Variants in CIP2A observed in about 807,000 individuals in gnomAD.
CIP2A encodes cellular inhibitor of PP2A.
A neutral mutation model predicts 110.9 loss-of-function variants in CIP2A; 103 were observed. The observed-to-expected ratio is 0.93, with a 90% CI of 0.79 to 1.09. CIP2A has a LOEUF of 1.09. Ranked by LOEUF, CIP2A falls within the 50% of genes least tolerant of loss-of-function variation. CIP2A has a pLI of 0.00. For missense variants in CIP2A, 1,088 were observed against 1,038.4 expected, an observed-to-expected ratio of 1.05 and a Z score of -0.66; for synonymous variants, 381 against 361.6, an observed-to-expected ratio of 1.05 and a Z score of -0.61.
At position 108,569,443 on chromosome 3, in the gene CIP2A, G is replaced by A. The variant is rs199957351; in HGVS notation, c.1059C>T (p.Asp353=). 171 of 1,612,338 alleles carry A rather than the reference G, an allele frequency of 1.1e-4. No individual in the cohort carries two copies. The highest frequency in any genetic ancestry group is 8.2e-4 in the Middle Eastern group (5 of 6,076). The stretch of plus-strand genomic sequence containing the variant: ...CTAAAACAGAACAGTTTTCTGATCC[G>A]TCCAAAGGTTGGCTTAACCAGCGCA... ...ALLRWLSQPL[D]GSENCSVLAL... Residue 353 remains aspartate, a synonymous_variant, in exon 9 of 21, where the codon GAC becomes GAT. Coordinates refer to ENST00000295746, the MANE Select transcript of CIP2A (RefSeq NM_020890.3).
At chr3:108,564,656 T>G (rs1307968168) in intron 12 of CIP2A, among the ~76,000 whole-genome samples, 2 of 151,908 alleles carry the variant, frequency 1.3e-5, no homozygotes, top group African/African-American at 4.8e-5. Flanking sequence ...ATTATAATTC[T>G]ATAGGAAAAG....
chr3:108,566,618 G>A lies in CIP2A; in HGVS notation c.1294C>T (p.Leu432=), dbSNP rs768980254. ...AAGATTTTTGCAATATGCATTTTTA[G>A]TGTATCATCTCCACAGAGAGGTTAA... ...VLLTLCGDDT[L]KMHIAKILTT... The change falls in exon 11 of 21, where the codon CTA becomes TTA. Residue 432 remains leucine (L), a synonymous_variant. Transcript: ENST00000295746. 6.2e-7 allele frequency: 1 copy of A among 1,603,106 alleles called. No homozygotes were observed.
chr3:108,569,444 T>G lies in CIP2A; in HGVS notation c.1058A>C (p.Asp353Ala). 6.2e-7 allele frequency: 1 copy of G among 1,612,784 alleles called. No homozygotes were observed. Among genetic ancestry groups the G allele is most frequent in the Non-Finnish European group, 8.5e-7 (1 of 1,179,290 alleles). ...TAAAACAGAACAGTTTTCTGATCCG[T>G]CCAAAGGTTGGCTTAACCAGCGCAG... Reference protein sequence around the residue: ...ALLRWLSQPLDGSENCSVLAL... With the variant: ...ALLRWLSQPLAGSENCSVLAL... Residue 353 changes from aspartate (D) to alanine (A), a missense_variant, in exon 9 of 21, where the codon GAC becomes GCC. Asp to Ala is a moderately radical substitution (Grantham distance 126, BLOSUM62 -2). Coordinates refer to ENST00000295746, the MANE Select transcript of CIP2A (RefSeq NM_020890.3).
In CIP2A at chr3:108,565,435, T is replaced by C; in HGVS notation, c.1435A>G (p.Ile479Val). Reference sequence around the variant, plus strand: ...TTAATCAAATCAAGAGTTTTCAAAATTACATCAGCAGCAAGTTTGCTTTAA... The same window carrying C: ...TTAATCAAATCAAGAGTTTTCAAAACTACATCAGCAGCAAGTTTGCTTTAA... ...SELCKLAADV[I>V]LKTLDLINKL... The change falls in exon 12 of 21, where the codon ATT (isoleucine) becomes GTT (valine). Residue 479 changes from isoleucine (I) to valine (V), a missense_variant. Transcript: ENST00000295746. 6.3e-7 allele frequency: 1 copy of C among 1,590,190 alleles called. No individual in the cohort carries two copies. Among genetic ancestry groups the C allele is most frequent in the Non-Finnish European group, 8.6e-7 (1 of 1,166,184 alleles).
At chr3:108,582,845 G>C (rs1938925353) in intron 3 of CIP2A, 132 bp downstream of exon 3, 3 of 434,072 alleles carry the variant, frequency 6.9e-6, no homozygotes, top group Non-Finnish European at 1.3e-5. Flanking sequence ...CTTTTAATGA[G>C]ATGAACTGTG....
At chr3:108,581,677 A>C (rs1024572641) in intron 4 of CIP2A, among the ~76,000 whole-genome samples, 166 bp from the exon 5 acceptor site, 1 of 152,154 alleles carries the variant, frequency 6.6e-6, no homozygotes, top group African/African-American at 2.4e-5. Flanking sequence ...AGCTTTGAAT[A>C]GTATTGATCA....
chr3:108,557,103 C>CA (rs1937834230), intron 17 of CIP2A, 115 bp downstream of exon 17: 2 of 582,342 alleles, frequency 3.4e-6, no homozygotes, highest in Non-Finnish European at 6.0e-6. Context: ...TTACTTACCT[C>CA]ATGTGTTATC....
At chr3:108,555,971 A>C (rs1937789120) in intron 17 of CIP2A, among the ~76,000 whole-genome samples, 1 of 152,064 alleles carries the variant, frequency 6.6e-6, no homozygotes, top group South Asian at 2.1e-4. Context: ...TTTTTCTATC[A>C]CTGCAAACCT....
intron 14 of CIP2A, 150 bp downstream of exon 14, chr3:108,560,499 C>A: frequency 3.5e-6 from 2 of 572,544 alleles, no homozygotes; most frequent in Non-Finnish European, 5.8e-6. Context: ...ACTGATTTTT[C>A]TTATTTCCAA....
At chr3:108,559,271 A>G (rs1937916895) in intron 16 of CIP2A, among the ~76,000 whole-genome samples, 1 of 152,178 alleles carries the variant, frequency 6.6e-6, no homozygotes, top group African/African-American at 2.4e-5. Context: ...TTATTTGTAG[A>G]ACACTAAAAA....
intron 7 of CIP2A, 34 bp from the exon 8 acceptor site, chr3:108,576,380 AAATAT>A: frequency 9.1e-7 from 1 of 1,097,716 alleles, no homozygotes; most frequent in East Asian, 2.5e-5. Flanking sequence ...ATCAAATGAT[AAATAT>A]AAAATTGATA....
chr3:108,560,681 C>A lies in CIP2A; in HGVS notation c.1795G>T (p.Glu599Ter). The A allele has an allele frequency of 6.2e-7, 1 of 1,608,160 alleles. No homozygotes were observed. The highest frequency in any genetic ancestry group is 8.5e-7 in the Non-Finnish European group (1 of 1,177,598). ...KDGVPGLNIE[E>*]LIEKLQSGMV... ...CCAGACTGAAGTTTCTCTATTAATT[C>A]TTCAATATTCAATCCAGGAACACCA... Residue 599 changes from glutamate (E) to a stop codon, truncating the protein, a stop_gained, in exon 14 of 21, where the codon GAA (glutamate) becomes TAA (stop). Transcript: ENST00000295746. LOFTEE classifies it high-confidence loss of function.
intron 7 of CIP2A, among the ~76,000 whole-genome samples, chr3:108,578,132 T>G (rs762077192): frequency 1.3e-5 from 2 of 152,192 alleles, no homozygotes; most frequent in African/African-American, 4.8e-5. Context: ...CGATAGAGTA[T>G]AAAATAGATA....
At chr3:108,584,496 T>A (rs566277789) in intron 2 of CIP2A, among the ~76,000 whole-genome samples, 3 of 152,330 alleles carry the variant, frequency 2.0e-5, no homozygotes, top group South Asian at 4.1e-4. Context: ...TGGTAGCCAC[T>A]AGCCTTCATG....
Position 108,576,263 on chromosome 3 carries a change from T to C in CIP2A, c.894+8A>G. On this transcript the variant is annotated splice_region_variant and intron_variant, in intron 8 of 20. Transcript: ENST00000295746. ...AAAGTTTAAATGAAAAGTCATGTTT[T>C]TACATACCTTTGAAGAGGAATCAGG... is the stretch of plus-strand genomic sequence containing the variant. The C allele has an allele frequency of 6.6e-7, 1 of 1,514,668 alleles. No individual in the cohort carries two copies. The highest frequency in any genetic ancestry group is 1.8e-4 in the Middle Eastern group (1 of 5,668). The allele number at this position is 1,514,668 out of a possible 1,614,324, so 93.8% of individuals were successfully genotyped here.
chr3:108,550,074 T>C lies in CIP2A; in HGVS notation c.*1075A>G, dbSNP rs1458984624. The C allele has an allele frequency of 6.6e-6, 1 of 151,964 alleles. No homozygotes were observed. Among genetic ancestry groups the C allele is most frequent in the Non-Finnish European group, 1.5e-5 (1 of 67,892 alleles). The allele number at this position is 151,964 out of a possible 1,614,324, so 9.4% of individuals were successfully genotyped here. A position where few individuals can be genotyped will look rare whatever the true frequency, so the allele number is the denominator to read the frequency against. ...TAAATTCACTTAAATCAAACAGACATATGGTGAAGAAAACACCAAGTAAAA... is the reference window on the plus strand; with the variant it reads ...TAAATTCACTTAAATCAAACAGACACATGGTGAAGAAAACACCAAGTAAAA... On this transcript the variant is annotated 3_prime_UTR_variant, in exon 21 of 21. Transcript: ENST00000295746.
intron 10 of CIP2A, among the ~76,000 whole-genome samples, chr3:108,566,875 T>C (rs9866406): frequency 0.27 from 41,247 of 151,622 alleles, 5,932 homozygotes; most frequent in East Asian, 0.45. Flanking sequence ...GAGGATATCT[T>C]TCCATTGGAT....
At chr3:108,571,372 C>T (rs1051866151) in intron 8 of CIP2A, among the ~76,000 whole-genome samples, 1 of 152,120 alleles carries the variant, frequency 6.6e-6, no homozygotes, top group Non-Finnish European at 1.5e-5. Context: ...TGATGCATTG[C>T]ACCACCATGT....
At chr3:108,567,752 C>T (rs1041029112) in intron 10 of CIP2A, among the ~76,000 whole-genome samples, 7 of 151,722 alleles carry the variant, frequency 4.6e-5, no homozygotes, top group African/African-American at 1.5e-4. Context: ...ATTTCTTTAT[C>T]CACGAATACA....
Sources: allele counts gnomAD v4.1 joint callset (sites outside exome capture counted in the v4.1 genomes callset), GRCh38; gene constraint gnomAD v4.1.1; transcripts MANE v1.5; gene names NCBI Gene and HGNC (gene_info 2026-07-23, HGNC 2026-07-21).